MRPS6: variants seen among roughly 807,000 people sequenced by gnomAD.
The protein encoded by MRPS6 is mitochondrial ribosomal protein S6.
Under a neutral mutation model 13.1 loss-of-function variants are expected in MRPS6, and 6 were observed. That is an observed-to-expected ratio of 0.46 (90% CI 0.25 to 0.91). The LOEUF (loss-of-function observed/expected upper bound fraction) is 0.91, where lower values mean the gene tolerates loss of function less well. MRPS6 is among the 40% of genes least tolerant of loss of function. The pLI is 0.18. For missense variants in MRPS6, 164 were observed against 155.6 expected, an observed-to-expected ratio of 1.05 and a Z score of -0.29; for synonymous variants, 61 against 56.5, an observed-to-expected ratio of 1.08 and a Z score of -0.36.
chr21:34,082,024 A>G (rs1312030667), intron 1 of MRPS6, among the ~76,000 whole-genome samples: 1 of 149,166 alleles, frequency 6.7e-6, no homozygotes, highest in Non-Finnish European at 1.5e-5. Flanking sequence ...TCCTCCTACC[A>G]GCCAGAAATC....
intron 1 of MRPS6, chr21:34,102,782 C>T: frequency 2.0e-6 from 2 of 1,000,022 alleles, no homozygotes; most frequent in Non-Finnish European, 2.4e-6. Flanking sequence ...CACTGAAAAG[C>T]ACTATAACAT....
intron 1 of MRPS6, among the ~76,000 whole-genome samples, chr21:34,076,854 C>T (rs1385670748): frequency 6.6e-6 from 1 of 152,152 alleles, no homozygotes; most frequent in Admixed American, 6.5e-5. Context: ...CTGTTACACC[C>T]ATATCAGATA....
At chr21:34,113,468 A>G (rs578064167) in intron 1 of MRPS6, among the ~76,000 whole-genome samples, 1 of 152,358 alleles carries the variant, frequency 6.6e-6, no homozygotes, top group East Asian at 1.9e-4. Context: ...AGACACAGAA[A>G]GACAACATAT....
chr21:34,104,472 A>C (rs1192070786), intron 1 of MRPS6: 34 of 998,788 alleles, frequency 3.4e-5, no homozygotes, highest in Non-Finnish European at 4.0e-5. Context: ...ATGGGAGAGA[A>C]ATGACTACCT....
chr21:34,126,585 G>A (rs968527075), intron 2 of MRPS6, among the ~76,000 whole-genome samples: 3 of 152,244 alleles, frequency 2.0e-5, no homozygotes, highest in Non-Finnish European at 2.9e-5. Flanking sequence ...GGGATGGAGA[G>A]CATGTGTGTC....
chr21:34,114,770 G>A (rs975468400), intron 1 of MRPS6, among the ~76,000 whole-genome samples: 1 of 152,126 alleles, frequency 6.6e-6, no homozygotes, highest in South Asian at 2.1e-4. Context: ...AGGAACAAAG[G>A]TACATTATTA....
rs550864552 is a variant in MRPS6 at position 34,102,801 on chromosome 21, T to C, written c.46-22540T>C. The C allele has an allele frequency of 3.0e-6, 3 of 1,000,104 alleles. No individual in the cohort carries two copies. In the East Asian group the frequency reaches 3.4e-4, roughly 113 times the overall value. 62.0% of individuals were successfully genotyped at this position (1,000,104 alleles called of 1,614,324 possible). A position where few individuals can be genotyped will look rare whatever the true frequency, so the allele number is the denominator to read the frequency against. ...GAAAAGCACTATAACATAATTGTTGTCCATGATACTGAAGCTTTTCCCCTC... is the reference window on the plus strand; with the variant it reads ...GAAAAGCACTATAACATAATTGTTGCCCATGATACTGAAGCTTTTCCCCTC... On this transcript the variant is annotated intron_variant, in intron 1 of 2. Transcript: ENST00000399312.
intron 1 of MRPS6, chr21:34,106,191 T>C: frequency 1.0e-6 from 1 of 977,868 alleles, no homozygotes; most frequent in Non-Finnish European, 1.2e-6. Context: ...GTCCTGTAAC[T>C]GAAGTATAGT....
intron 1 of MRPS6, among the ~76,000 whole-genome samples, chr21:34,093,065 T>A (rs1978786598): frequency 2.6e-5 from 4 of 152,178 alleles, no homozygotes. Context: ...TTAAATAATG[T>A]TTACTAGTCA....
At position 34,141,922 on chromosome 21, in the gene MRPS6, CT is replaced by C. The variant is rs1403042408; in HGVS notation, c.186-483del. ...ACATAGTTGTAGACCAGTCCCATGC[CT>C]TTCTTAATCTTTTCCCATGTTTGTG... On this transcript the variant is annotated intron_variant, in intron 2 of 2. Coordinates refer to ENST00000399312, the MANE Select transcript of MRPS6 (RefSeq NM_032476.4). Among the ~76,000 whole-genome samples the C allele has an allele frequency of 2.0e-5, 3 of 152,178 alleles. No homozygotes were observed. The South Asian group carries it at 6.2e-4, about 32-fold the overall frequency.
chr21:34,134,165 T>G (rs1158899774), intron 2 of MRPS6, among the ~76,000 whole-genome samples: 2 of 152,192 alleles, frequency 1.3e-5, no homozygotes, highest in African/African-American at 2.4e-5. Flanking sequence ...AATAAATGAG[T>G]AATTCATAAG....
chr21:34,075,023 G>A (rs1989292907), intron 1 of MRPS6, among the ~76,000 whole-genome samples: 1 of 152,196 alleles, frequency 6.6e-6, no homozygotes, highest in African/African-American at 2.4e-5. Flanking sequence ...TATCTGTTCA[G>A]CCTCTTGAAT....
chr21:34,113,211 A>G (rs1039179228), intron 1 of MRPS6, among the ~76,000 whole-genome samples: 1 of 152,212 alleles, frequency 6.6e-6, no homozygotes, highest in Non-Finnish European at 1.5e-5. Flanking sequence ...GGATGACCAT[A>G]TGATCCAGCA....
At chr21:34,092,394 T>C (rs909060920) in intron 1 of MRPS6, among the ~76,000 whole-genome samples, 2 of 151,866 alleles carry the variant, frequency 1.3e-5, no homozygotes, top group Non-Finnish European at 2.9e-5. Context: ...TGGTATGGTA[T>C]CCAGTGAGAA....
chr21:34,113,978 A>G (rs1346793515), intron 1 of MRPS6, among the ~76,000 whole-genome samples: 1 of 152,162 alleles, frequency 6.6e-6, no homozygotes, highest in Non-Finnish European at 1.5e-5. Flanking sequence ...GCATGCAATC[A>G]ATAAGGCAGG....
chr21:34,074,340 C>G (rs1335025950), intron 1 of MRPS6, among the ~76,000 whole-genome samples: 3 of 152,192 alleles, frequency 2.0e-5, no homozygotes, highest in African/African-American at 7.2e-5. Flanking sequence ...AAAAAAAAAT[C>G]TTTTGACTTT....
rs537279154 is a variant in MRPS6, at chr21:34,112,615, A to C, written c.46-12726A>C. Reference sequence around the variant, plus strand: ...TCCCCACTATCCCCTGGCTCAGACAATTACTTACCTACTTTCTGTCTGTAT... The same window carrying C: ...TCCCCACTATCCCCTGGCTCAGACACTTACTTACCTACTTTCTGTCTGTAT... On this transcript the variant is annotated intron_variant, in intron 1 of 2. Transcript: ENST00000399312. 2.0e-5 allele frequency among the ~76,000 whole-genome samples: 3 copies of C among 152,098 alleles called. No homozygotes were observed. The East Asian group carries it at 5.8e-4, about 29-fold the overall frequency.
intron 2 of MRPS6, among the ~76,000 whole-genome samples, chr21:34,129,498 G>A (rs1052513043): frequency 6.6e-6 from 1 of 152,176 alleles, no homozygotes; most frequent in African/African-American, 2.4e-5. Context: ...TTCTTTGCCT[G>A]TTCTCATCTG....
At chr21:34,095,952 C>A (rs771045515) in intron 1 of MRPS6, 1 of 1,614,060 alleles carries the variant, frequency 6.2e-7, no homozygotes. Flanking sequence ...GAAAATGCTG[C>A]GGAATCCAAC....
Sources: gnomAD v4.1 joint callset for allele counts (sites outside exome capture counted in the v4.1 genomes callset) on GRCh38, gnomAD v4.1.1 for gene constraint, MANE v1.5 for transcripts, NCBI Gene and HGNC (gene_info 2026-07-23, HGNC 2026-07-21) for gene names.